The following SMARCE1 variants were observed in gnomAD, a reference collection of about 807,000 sequenced individuals.
The protein encoded by SMARCE1 is SWI/SNF related BAF chromatin remodeling complex subunit E1, also known as SWI/SNF-related matrix-associated actin-dependent regulator of chromatin subfamily E member 1.
A neutral mutation model predicts 54.9 loss-of-function variants in SMARCE1; 13 were observed. That is an observed-to-expected ratio of 0.24 (90% confidence interval 0.15 to 0.38). The LOEUF is 0.38. Ranked by LOEUF, SMARCE1 falls within the 10% of genes least tolerant of loss-of-function variation. The pLI is 1.00. For missense variants in SMARCE1, 295 were observed against 523.8 expected, an observed-to-expected ratio of 0.56 and a Z score of 4.26; for synonymous variants, 151 against 175.3, an observed-to-expected ratio of 0.86 and a Z score of 1.10.
chr17:40,636,058 C>G lies in SMARCE1; in HGVS notation c.414G>C (p.Ala138=). 1 of 1,612,770 alleles carries G rather than the reference C, an allele frequency of 6.2e-7. No homozygotes were observed. The highest frequency in any genetic ancestry group is 8.5e-7 in the Non-Finnish European group (1 of 1,179,550). The change falls in exon 7 of 11, where the codon GCG becomes GCC. Residue 138 remains alanine, a synonymous_variant. Coordinates refer to ENST00000348513, the MANE Select transcript of SMARCE1 (RefSeq NM_003079.5). Reference sequence around the variant, plus strand: ...TTTTTGCATTTATGTAAGCAAGGTACGCGGGGGAATTATGATAGGCCTTCA... The same window carrying G: ...TTTTTGCATTTATGTAAGCAAGGTAGGCGGGGGAATTATGATAGGCCTTCA... ...ESMKAYHNSP[A]YLAYINAKSR... is the part of the protein sequence containing the mutation.
rs1025356206 is a variant in SMARCE1 at position 40,640,082 on chromosome 17, T to C, written c.156+2373A>G. On this transcript the variant is annotated intron_variant, in intron 4 of 10. Coordinates refer to ENST00000348513, the MANE Select transcript of SMARCE1 (RefSeq NM_003079.5). ...GAGCAAGGTCCTAGGAAATCTCCTA[T>C]GAATAAAGTTCATGGTTTTGTGAAA... 3 of 152,230 alleles carry C rather than the reference T, an allele frequency of 2.0e-5. 1 individual carries two copies. Among genetic ancestry groups the C allele is most frequent in the Non-Finnish European group, 4.4e-5 (3 of 68,034 alleles). The allele number at this position is 152,230 out of a possible 1,614,324, so 9.4% of individuals were successfully genotyped here. A position where few individuals can be genotyped will look rare whatever the true frequency, so the allele number is the denominator to read the frequency against.
chr17:40,637,164 A>G, intron 5 of SMARCE1: 1 of 252,394 alleles, frequency 4.0e-6, no homozygotes. Context: ...ATTTTTATAA[A>G]AATGAGATAT....
rs1342764419 is a variant in SMARCE1, at chr17:40,627,953, T to C, written c.*832A>G. 1.3e-5 allele frequency: 2 copies of C among 152,660 alleles called. No homozygotes were observed. Among genetic ancestry groups the C allele is most frequent in the African/African-American group, 4.8e-5 (2 of 41,458 alleles). 9.5% of individuals were successfully genotyped at this position (152,660 alleles called of 1,614,324 possible). ...AACAATTTCAAGTGGATTAACTTAA[T>C]TCCCAGCTGTTTTTCTTCTGGAATG... On this transcript the variant is annotated 3_prime_UTR_variant, in exon 11 of 11. Coordinates refer to ENST00000348513, the MANE Select transcript of SMARCE1 (RefSeq NM_003079.5).
In SMARCE1 at chr17:40,640,784, T is replaced by C. The variant is rs1467122884; in HGVS notation, c.156+1671A>G. 4 of 152,348 alleles carry C rather than the reference T, an allele frequency of 2.6e-5. No homozygotes were observed. The East Asian group carries it at 7.7e-4, about 29-fold the overall frequency. The allele number at this position is 152,348 out of a possible 1,614,324, so 9.4% of individuals were successfully genotyped here. ...AAGGACCAAAACACCAAATTTTCCATGTCCAACAACTCTCTATAATTAATC... is the reference window on the plus strand; with the variant it reads ...AAGGACCAAAACACCAAATTTTCCACGTCCAACAACTCTCTATAATTAATC... On this transcript the variant is annotated intron_variant, in intron 4 of 10. Transcript: ENST00000348513.
intron 7 of SMARCE1, 47 bp downstream of exon 7, chr17:40,635,880 ATCTT>A (rs770027217): frequency 1.9e-4 from 256 of 1,325,196 alleles, no homozygotes; most frequent in Middle Eastern, 9.5e-4. Flanking sequence ...GATTTCTCAT[ATCTT>A]AACTCACAGA....
intron 10 of SMARCE1, chr17:40,630,054 AACT>A (rs2037075137): frequency 2.2e-6 from 1 of 460,524 alleles, no homozygotes; most frequent in African/African-American, 2.0e-5. Flanking sequence ...TGTTTTCCAT[AACT>A]ACTTTTAGCT....
chr17:40,640,591 T>C (rs1315936381), intron 4 of SMARCE1: 1 of 152,228 alleles, frequency 6.6e-6, no homozygotes, highest in African/African-American at 2.4e-5. Context: ...AAAATGCTTT[T>C]ATTATGGTCA....
At chr17:40,637,290 A>G in intron 5 of SMARCE1, 1 of 591,026 alleles carries the variant, frequency 1.7e-6, no homozygotes, top group Non-Finnish European at 3.0e-6. Context: ...GGATTTTAAC[A>G]GTTTATTTAA....
chr17:40,631,845 G>A (rs2037098554), intron 8 of SMARCE1, 152 bp from the exon 9 acceptor site: 6 of 582,386 alleles, frequency 1.0e-5, no homozygotes, highest in Non-Finnish European at 1.8e-5. Flanking sequence ...ACAAAGAAAT[G>A]ATTATGATCA....
chr17:40,637,862 A>G, intron 4 of SMARCE1: 2 of 392,502 alleles, frequency 5.1e-6, no homozygotes, highest in South Asian at 4.6e-5. Context: ...ATATGGTTAT[A>G]TATCAACCGT....
In SMARCE1 at chr17:40,632,226, T is replaced by C. The variant is rs2037102487; in HGVS notation, c.683A>G (p.Lys228Arg). The C allele has an allele frequency of 6.2e-7, 1 of 1,613,586 alleles. No individual in the cohort carries two copies. Among genetic ancestry groups the C allele is most frequent in the African/African-American group, 1.3e-5 (1 of 75,034 alleles). The change falls in exon 8 of 11, where the codon AAA (lysine) becomes AGA (arginine). Residue 228 changes from lysine (K) to arginine (R), a missense_variant. By Grantham distance (26) the Lys-to-Arg change is conservative (BLOSUM62 2). Transcript: ENST00000348513. Reference sequence around the variant, plus strand: ...AACCATTAAGGACTGGACCTGCCGTTTGAGGACCTGCATTCTAGCTGTTGT... The same window carrying C: ...AACCATTAAGGACTGGACCTGCCGTCTGAGGACCTGCATTCTAGCTGTTGT... ...VVTTARMQVLKRQVQSLMVHQ... is the reference protein window; with the variant it reads ...VVTTARMQVLRRQVQSLMVHQ...
Position 40,626,925 on chromosome 17 carries a change from T to C in SMARCE1, c.*1860A>G, listed in dbSNP as rs1567844023. The C allele has an allele frequency of 1.4e-5, 2 of 147,422 alleles. No individual in the cohort carries two copies. The highest frequency in any genetic ancestry group is 2.0e-4 in the East Asian group (1 of 4,918). The allele number at this position is 147,422 out of a possible 1,614,324, so 9.1% of individuals were successfully genotyped here. A position where few individuals can be genotyped will look rare whatever the true frequency, so the allele number is the denominator to read the frequency against. ...ATTGCCAGTGTTGTATGGACAGGCT[T>C]GGTCTGGATAGACTTGTCTTCCCAC... is the stretch of plus-strand genomic sequence containing the variant. On this transcript the variant is annotated 3_prime_UTR_variant, in exon 11 of 11. Coordinates refer to ENST00000348513, the MANE Select transcript of SMARCE1 (RefSeq NM_003079.5).
At chr17:40,630,653 A>G (rs1446484847) in intron 10 of SMARCE1, 61 bp downstream of exon 10, 2 of 1,411,830 alleles carry the variant, frequency 1.4e-6, no homozygotes, top group African/African-American at 2.8e-5. Context: ...AGAAAAACCT[A>G]AATTAAAGAC....
chr17:40,635,443 C>T (rs544260629), intron 7 of SMARCE1: 26 of 152,314 alleles, frequency 1.7e-4, no homozygotes, highest in African/African-American at 6.0e-4. Context: ...TATGGGTATA[C>T]CCTCATGTAC....
In SMARCE1 at chr17:40,625,213, CAA is replaced by C. The variant is rs2037023762; in HGVS notation, c.*3570_*3571del. ...ACATTTATAAACAATTGTATCATTA[CAA>C]ATACATTTAGACATCGTTTTCTGCT... On this transcript the variant is annotated 3_prime_UTR_variant, in exon 11 of 11. Coordinates refer to ENST00000348513, the MANE Select transcript of SMARCE1 (RefSeq NM_003079.5). The C allele has an allele frequency of 6.6e-6, 1 of 152,208 alleles. No individual in the cohort carries two copies. The allele number at this position is 152,208 out of a possible 1,614,324, so 9.4% of individuals were successfully genotyped here.
At position 40,642,504 on chromosome 17, in the gene SMARCE1, T is replaced by C. The variant is rs767656838; in HGVS notation, c.107A>G (p.Tyr36Cys). The C allele has an allele frequency of 4.3e-6, 7 of 1,612,854 alleles. No individual in the cohort carries two copies. In the South Asian group the frequency reaches 4.4e-5, roughly 10 times the overall value. Residue 36 changes from tyrosine to cysteine, a missense_variant, in exon 4 of 11, where the codon TAC becomes TGC. Physicochemically the swap from Tyr to Cys is radical, Grantham distance 194. Around this residue, in one of 5 missense-constraint regions of SMARCE1, gnomAD observed 30 missense variants for 91.3 expected, o/e 0.33. Coordinates refer to ENST00000348513, the MANE Select transcript of SMARCE1 (RefSeq NM_003079.5). The surrounding 1 kb of genome is among the most constrained non-coding windows in gnomAD (Gnocchi z 4.6). ...VGYNPYSHLAYNNYRLGGNPG... is the reference protein window; with the variant it reads ...VGYNPYSHLACNNYRLGGNPG... Reference sequence around the variant, plus strand: ...GTTCCCTCCCAGCCTGTAGTTGTTGTAGGCGAGATGACTGTATGGATTGTA... The same window carrying C: ...GTTCCCTCCCAGCCTGTAGTTGTTGCAGGCGAGATGACTGTATGGATTGTA...
chr17:40,645,346 T>C (rs549400346), intron 3 of SMARCE1: 15 of 419,686 alleles, frequency 3.6e-5, no homozygotes, highest in South Asian at 3.5e-4. Context: ...CAAAACAAAC[T>C]GAGCACAGGA....
intron 5 of SMARCE1, chr17:40,637,123 TC>T (rs2037154264): frequency 4.7e-6 from 1 of 212,222 alleles, no homozygotes; most frequent in Non-Finnish European, 9.6e-6. Context: ...TTCTGTGTTT[TC>T]CCCCTTCAAA....
At chr17:40,639,150 A>T (rs1370910304) in intron 4 of SMARCE1, among the ~76,000 whole-genome samples, 1 of 152,146 alleles carries the variant, frequency 6.6e-6, no homozygotes, top group Non-Finnish European at 1.5e-5. Context: ...GGGGCATGGA[A>T]ACTGTCAAAA....
Sources: allele counts gnomAD v4.1 joint callset (sites outside exome capture counted in the v4.1 genomes callset), GRCh38; gene constraint gnomAD v4.1.1; regional missense constraint gnomAD v4.1.1; non-coding constraint Gnocchi (gnomAD v3.1); transcripts MANE v1.5; gene names NCBI Gene and HGNC (gene_info 2026-07-23, HGNC 2026-07-21).